KCNK3: variants seen among roughly 807,000 people sequenced by gnomAD.
KCNK3 encodes the protein potassium channel subfamily K member 3.
Under a neutral mutation model 27.3 loss-of-function variants are expected in KCNK3, and 9 were observed. The observed-to-expected ratio is 0.33, with a 90% CI of 0.20 to 0.57. The LOEUF is 0.57. Ranked by LOEUF, KCNK3 falls within the 20% of genes least tolerant of loss-of-function variation. The pLI is 0.87. For synonymous variants in KCNK3, 278 were observed against 273.8 expected, an observed-to-expected ratio of 1.02 and a Z score of -0.15; for missense variants, 391 against 577.7, an observed-to-expected ratio of 0.68 and a Z score of 3.31.
intron 1 of KCNK3, among the ~76,000 whole-genome samples, chr2:26,723,992 C>G (rs970251899): frequency 6.6e-6 from 1 of 152,220 alleles, no homozygotes; most frequent in African/African-American, 2.4e-5. Flanking sequence ...TAGAGAACAC[C>G]TTTTGCCCCC....
intron 1 of KCNK3, among the ~76,000 whole-genome samples, chr2:26,696,600 G>C (rs564361406): frequency 6.6e-6 from 1 of 152,072 alleles, no homozygotes; most frequent in Non-Finnish European, 1.5e-5. Context: ...CCTATCCCTG[G>C]TCTCCCAGCC....
intron 1 of KCNK3, among the ~76,000 whole-genome samples, chr2:26,725,303 G>T (rs552328683): frequency 6.6e-6 from 1 of 152,348 alleles, no homozygotes; most frequent in Middle Eastern, 3.4e-3. Context: ...TCTCTCCTGT[G>T]CTCCTGCAGA....
chr2:26,728,361 C>T lies in KCNK3; in HGVS notation c.978C>T (p.Pro326=), dbSNP rs747301305. 6.2e-7 allele frequency: 1 copy of T among 1,607,520 alleles called. No individual in the cohort carries two copies. The highest frequency in any genetic ancestry group is 8.5e-7 in the Non-Finnish European group (1 of 1,177,466). Residue 326 remains proline (P), a synonymous_variant, in exon 2 of 2, where the codon CCC becomes CCT. Transcript: ENST00000302909. ...KSREKLQYSI[P]MIIPRDLSTS... The stretch of plus-strand genomic sequence containing the variant: ...GCGAGAAGCTGCAGTACTCCATCCC[C>T]ATGATCATCCCGCGGGACCTCTCCA...
intron 1 of KCNK3, among the ~76,000 whole-genome samples, chr2:26,720,228 C>A (rs1558602081): frequency 6.6e-6 from 1 of 152,200 alleles, no homozygotes. Context: ...GCACTCTAGC[C>A]TGGGCAACAC....
At chr2:26,724,480 C>T (rs1663377031) in intron 1 of KCNK3, 1 of 543,624 alleles carries the variant, frequency 1.8e-6, no homozygotes. Context: ...GACTTCATGA[C>T]ACCAACTGTA....
In KCNK3 at chr2:26,728,536, C is replaced by T; in HGVS notation, c.1153C>T (p.Arg385Cys). Residue 385 changes from arginine to cysteine, a missense_variant, in exon 2 of 2, where the codon CGC (arginine) becomes TGC (cysteine). By Grantham distance (180) the Arg-to-Cys change is radical. Transcript: ENST00000302909. The stretch of plus-strand genomic sequence containing the variant: ...GGGTCTGCACAGCCTGTCCACCTTC[C>T]GCGGCCTCATGAAGCGCAGGAGCTC... ...STGLHSLSTFRGLMKRRSSV is the reference protein window; with the variant it reads ...STGLHSLSTFCGLMKRRSSV The T allele has an allele frequency of 2.0e-6, 3 of 1,469,992 alleles. No individual in the cohort carries two copies. Among genetic ancestry groups the T allele is most frequent in the Non-Finnish European group, 2.7e-6 (3 of 1,109,874 alleles). The allele number at this position is 1,469,992 out of a possible 1,614,324, so 91.1% of individuals were successfully genotyped here.
intron 1 of KCNK3, among the ~76,000 whole-genome samples, chr2:26,727,380 A>G (rs1163248843): frequency 6.6e-6 from 1 of 152,140 alleles, no homozygotes; most frequent in Non-Finnish European, 1.5e-5. Context: ...TTGAGGTCAA[A>G]CGGACTCGAG....
chr2:26,693,129 A>T lies in KCNK3; in HGVS notation c.254A>T (p.Tyr85Phe), dbSNP rs1670190683. 7.3e-7 allele frequency: 1 copy of T among 1,363,304 alleles called. No homozygotes were observed. The highest frequency in any genetic ancestry group is 9.7e-7 in the Non-Finnish European group (1 of 1,026,234). 84.5% of individuals were successfully genotyped at this position (1,363,304 alleles called of 1,614,324 possible). The change falls in exon 1 of 2, where the codon TAC becomes TTC. Residue 85 changes from tyrosine (Y) to phenylalanine (F), a missense_variant. By Grantham distance (22) the Tyr-to-Phe change is conservative. Coordinates refer to ENST00000302909, the MANE Select transcript of KCNK3 (RefSeq NM_002246.3). The surrounding 1 kb of genome is among the most constrained non-coding windows in gnomAD (Gnocchi z 5.5). Reference protein sequence around the residue: ...GVQWRFAGSFYFAITVITTIG... With the variant: ...GVQWRFAGSFFFAITVITTIG... ...CAGTGGCGCTTCGCCGGCTCCTTCT[A>T]CTTCGCCATCACCGTCATCACCACC...
At position 26,693,247 on chromosome 2, in the gene KCNK3, G is replaced by T. The variant is rs1335205111; in HGVS notation, c.283+89G>T. 8.3e-7 allele frequency: 1 copy of T among 1,206,058 alleles called. No individual in the cohort carries two copies. The highest frequency in any genetic ancestry group is 1.1e-6 in the Non-Finnish European group (1 of 916,310). The allele number at this position is 1,206,058 out of a possible 1,614,324, so 74.7% of individuals were successfully genotyped here. A position where few individuals can be genotyped will look rare whatever the true frequency, so the allele number is the denominator to read the frequency against. ...GGGGCCGGCTGGGGCTGGGGGCGGG[G>T]GCTCCCCCGAGAGGGGCTGGGCGCC... On this transcript the variant is annotated intron_variant, in intron 1 of 1. Coordinates refer to ENST00000302909, the MANE Select transcript of KCNK3 (RefSeq NM_002246.3). This position sits in a 1 kb window ranked among gnomAD's most constrained non-coding sequence, Gnocchi z 5.5.
intron 1 of KCNK3, among the ~76,000 whole-genome samples, chr2:26,698,308 G>GC (rs1670260211): frequency 6.6e-6 from 1 of 152,184 alleles, no homozygotes; most frequent in Admixed American, 6.5e-5. Flanking sequence ...TTTCTGCAGG[G>GC]CAGCGGAGGA....
chr2:26,692,764 G>T lies in KCNK3; in HGVS notation c.-112G>T. The T allele has an allele frequency of 1.9e-6, 1 of 530,914 alleles. No individual in the cohort carries two copies. The highest frequency in any genetic ancestry group is 2.4e-6 in the Non-Finnish European group (1 of 416,438). The allele number at this position is 530,914 out of a possible 1,614,324, so 32.9% of individuals were successfully genotyped here. A position where few individuals can be genotyped will look rare whatever the true frequency, so the allele number is the denominator to read the frequency against. On this transcript the variant is annotated 5_prime_UTR_variant, in exon 1 of 2. Coordinates refer to ENST00000302909, the MANE Select transcript of KCNK3 (RefSeq NM_002246.3). This position sits in a 1 kb window ranked among gnomAD's most constrained non-coding sequence, Gnocchi z 5.6. ...GCGCTGAGCGGGTGCCCGGCGCGGA[G>T]AGCGGCGAGCGCAGCCATGCCCCAG...
At chr2:26,700,730 C>T (rs58307731) in intron 1 of KCNK3, among the ~76,000 whole-genome samples, 4 of 150,560 alleles carry the variant, frequency 2.7e-5, no homozygotes, top group Non-Finnish European at 4.4e-5. Context: ...ATCATCATCA[C>T]CATCATCATC....
At chr2:26,708,215 AT>A (rs1334007165) in intron 1 of KCNK3, among the ~76,000 whole-genome samples, 1 of 152,134 alleles carries the variant, frequency 6.6e-6, no homozygotes, top group Non-Finnish European at 1.5e-5. Context: ...GGGAGAACAG[AT>A]TTCTGGGCAG....
chr2:26,716,101 C>T (rs528733811), intron 1 of KCNK3, among the ~76,000 whole-genome samples: 2 of 152,194 alleles, frequency 1.3e-5, no homozygotes, highest in East Asian at 1.9e-4. Flanking sequence ...TAGAACCACA[C>T]CCCAGGTCTT....
chr2:26,717,996 C>T (rs1663262291), intron 1 of KCNK3, among the ~76,000 whole-genome samples: 1 of 152,154 alleles, frequency 6.6e-6, no homozygotes. Context: ...ACAGTTTCAC[C>T]CATGAATGCA....
chr2:26,718,370 G>A (rs1163235947), intron 1 of KCNK3, among the ~76,000 whole-genome samples: 2 of 152,172 alleles, frequency 1.3e-5, no homozygotes, highest in African/African-American at 2.4e-5. Flanking sequence ...TCACCTTGAC[G>A]ATCTTCACTT....
In KCNK3 at chr2:26,732,911, CTG is replaced by C. The variant is rs1663566923; in HGVS notation, c.*4344_*4345del. On this transcript the variant is annotated 3_prime_UTR_variant, in exon 2 of 2. Coordinates refer to ENST00000302909, the MANE Select transcript of KCNK3 (RefSeq NM_002246.3). ...GACCTGGGAGAAGTCCCCTAAGGGG[CTG>C]CATTTATCCCCATCTCCCTAGGGGT... 1 of 152,246 alleles carries C rather than the reference CTG, an allele frequency of 6.6e-6. No individual in the cohort carries two copies. Among genetic ancestry groups the C allele is most frequent in the African/African-American group, 2.4e-5 (1 of 41,450 alleles). 9.4% of individuals were successfully genotyped at this position (152,246 alleles called of 1,614,324 possible).
At chr2:26,708,906 C>T (rs756549764) in intron 1 of KCNK3, among the ~76,000 whole-genome samples, 1 of 152,076 alleles carries the variant, frequency 6.6e-6, no homozygotes, top group Non-Finnish European at 1.5e-5. Flanking sequence ...AGGATGGTGG[C>T]GGACTGGACC....
rs376610850 is a variant in KCNK3, at chr2:26,692,978, C to A, written c.103C>A (p.Leu35Met). The A allele has an allele frequency of 1.1e-5, 18 of 1,572,856 alleles. No individual in the cohort carries two copies. The highest frequency in any genetic ancestry group is 4.1e-5 in the African/African-American group (3 of 73,734). Reference protein sequence around the residue: ...VFDALESEPELIERQRLELRQ... With the variant: ...VFDALESEPEMIERQRLELRQ... ...CGACGCGCTGGAGTCGGAGCCCGAG[C>A]TGATCGAGCGGCAGCGGCTGGAGCT... The change falls in exon 1 of 2, where the codon CTG becomes ATG. Residue 35 changes from leucine to methionine, a missense_variant. Leu to Met is a conservative substitution (Grantham distance 15). Coordinates refer to ENST00000302909, the MANE Select transcript of KCNK3 (RefSeq NM_002246.3). The surrounding 1 kb of genome is among the most constrained non-coding windows in gnomAD (Gnocchi z 5.6).
Sources: gnomAD v4.1 joint callset for allele counts (sites outside exome capture counted in the v4.1 genomes callset) on GRCh38, gnomAD v4.1.1 for gene constraint, Gnocchi (gnomAD v3.1) non-coding constraint, MANE v1.5 for transcripts, NCBI Gene and HGNC (gene_info 2026-07-23, HGNC 2026-07-21) for gene names.